The following CEP95 variants were observed in gnomAD, a reference collection of about 807,000 sequenced individuals.
CEP95 encodes the protein centrosomal protein of 95 kDa.
In CEP95, 98 loss-of-function variants were observed where a neutral mutation model predicts 111.2. That is an observed-to-expected ratio of 0.88 (90% CI 0.75 to 1.04). CEP95 has a LOEUF of 1.04. CEP95 is among the 50% of genes least tolerant of loss of function. The probability of loss-of-function intolerance (pLI) is 0.00; values close to 1 mark genes in which losing one functional copy is unlikely to be tolerated. For missense variants in CEP95, 1,027 were observed against 977.2 expected (o/e 1.05, Z -0.68); for synonymous variants, 323 against 327.1 (o/e 0.99, Z 0.14).
intron 6 of CEP95, among the ~76,000 whole-genome samples, chr17:64,519,910 A>G (rs943081052): frequency 1.3e-5 from 2 of 152,166 alleles, no homozygotes; most frequent in African/African-American, 2.4e-5. Flanking sequence ...TGAGCCTCCA[A>G]CCTTGCCCTC....
intron 19 of CEP95, 110 bp from the exon 20 acceptor site, chr17:64,537,493 T>C: frequency 5.6e-6 from 8 of 1,437,498 alleles, no homozygotes; most frequent in Non-Finnish European, 7.3e-6. Context: ...TGTTGCTAGA[T>C]TATTGAAAAT....
intron 16 of CEP95, 137 bp downstream of exon 16, chr17:64,533,328 A>G: frequency 1.5e-6 from 1 of 677,204 alleles, no homozygotes; most frequent in Middle Eastern, 4.0e-4. Context: ...TAGGTCTTTA[A>G]CCAAAATTGA....
chr17:64,527,262 C>T lies in CEP95; in HGVS notation c.1304C>T (p.Pro435Leu). The stretch of plus-strand genomic sequence containing the variant: ...GAGTATGGGCCAAAGAAGTCAAGGC[C>T]AGGTACTTACCCCAGAGAGACTGAG... ...IVEYGPKKSR[P>L]GLSMRRKPPY... Residue 435 changes from proline to leucine, a missense_variant and splice_region_variant, in exon 11 of 20, where the codon CCA becomes CTA. Transcript: ENST00000556440. The T allele has an allele frequency of 6.2e-7, 1 of 1,608,622 alleles. No individual in the cohort carries two copies. Among genetic ancestry groups the T allele is most frequent in the Non-Finnish European group, 8.5e-7 (1 of 1,177,380 alleles).
rs563102261 is a variant in CEP95, at chr17:64,532,204, G to A, written c.1672+182G>A. ...AGGGCTAAAACTCTTCAATAAGGAA[G>A]TACTTCAGGGAGGCCTATATATTGG... On this transcript the variant is annotated intron_variant, in intron 14 of 19. Transcript: ENST00000556440. The A allele has an allele frequency of 6.0e-5, 77 of 1,279,578 alleles. No individual in the cohort carries two copies. In the South Asian group the frequency reaches 1.5e-3, roughly 25 times the overall value. The allele number at this position is 1,279,578 out of a possible 1,614,324, so 79.3% of individuals were successfully genotyped here. A position where few individuals can be genotyped will look rare whatever the true frequency, so the allele number is the denominator to read the frequency against.
chr17:64,525,138 C>G (rs548085560), intron 8 of CEP95, among the ~76,000 whole-genome samples: 2 of 151,826 alleles, frequency 1.3e-5, no homozygotes, highest in Admixed American at 6.6e-5. Flanking sequence ...GTCAGGAGTT[C>G]GAGACCAGCC....
In CEP95 at chr17:64,510,273, C is replaced by T. The variant is rs1555674527; in HGVS notation, c.249C>T (p.His83=). 3 of 1,580,834 alleles carry T rather than the reference C, an allele frequency of 1.9e-6. No homozygotes were observed. The highest frequency in any genetic ancestry group is 1.7e-5 in the Admixed American group (1 of 59,320). The change falls in exon 3 of 20, where the codon CAC becomes CAT. Residue 83 remains histidine, a synonymous_variant. Transcript: ENST00000556440. ...ALDYLQVSLS[H]ITGENIVKGD... ...ACTACTTGCAGGTCAGCTTGTCTCA[C>T]ATAACAGGTTGGTATATGTATAACT...
Position 64,524,609 on chromosome 17 carries a change from C to A in CEP95, c.910-1161C>A, listed in dbSNP as rs138092026. Among the ~76,000 whole-genome samples the A allele has an allele frequency of 8.3e-3, 1,255 of 152,066 alleles. 11 individuals carry two copies. Among genetic ancestry groups the A allele is most frequent in the Middle Eastern group, 0.014 (4 of 294 alleles). On this transcript the variant is annotated intron_variant, in intron 8 of 19. Coordinates refer to ENST00000556440, the MANE Select transcript of CEP95 (RefSeq NM_138363.3). The stretch of plus-strand genomic sequence containing the variant: ...TATAGGCATGAATCACCATACCCAG[C>A]CTACTAAAGGGTATTTAATTTTACT...
At chr17:64,519,258 G>C (rs1227808273) in intron 5 of CEP95, 63 bp from the exon 6 acceptor site, 5 of 1,039,000 alleles carry the variant, frequency 4.8e-6, no homozygotes, top group African/African-American at 4.8e-5. Flanking sequence ...CAGCTCTCCA[G>C]GTCCTCAGGG....
intron 5 of CEP95, 33 bp from the exon 6 acceptor site, chr17:64,519,288 C>T (rs782739237): frequency 9.4e-6 from 14 of 1,484,946 alleles, no homozygotes; most frequent in Non-Finnish European, 1.3e-5. Flanking sequence ...TCTGGTCAGG[C>T]TGGGCCCTGA....
Position 64,537,680 on chromosome 17 carries a change from G to A in CEP95, c.2367G>A (p.Gln789=). The change falls in exon 20 of 20, where the codon CAG becomes CAA. Residue 789 remains glutamine (Q), a synonymous_variant. Transcript: ENST00000556440. ...AGCAGCTGCAGGACATGATAACACAGAATGATGATGATGTTTTCTTCCGGG... is the reference window on the plus strand; with the variant it reads ...AGCAGCTGCAGGACATGATAACACAAAATGATGATGATGTTTTCTTCCGGG... The part of the protein sequence containing the change: ...EIQQLQDMIT[Q]NDDDVFFREL... 1 of 1,613,518 alleles carries A rather than the reference G, an allele frequency of 6.2e-7. No homozygotes were observed. The highest frequency in any genetic ancestry group is 8.5e-7 in the Non-Finnish European group (1 of 1,179,670).
intron 3 of CEP95, among the ~76,000 whole-genome samples, chr17:64,511,938 G>A (rs146079964): frequency 7.2e-5 from 11 of 152,286 alleles, no homozygotes; most frequent in African/African-American, 2.4e-4. Flanking sequence ...ACACCTGGCC[G>A]TATTGTTTTA....
rs192396982 is a variant in CEP95 at position 64,510,861 on chromosome 17, C to T, written c.256+581C>T. Among the ~76,000 whole-genome samples the T allele has an allele frequency of 2.3e-4, 35 of 152,312 alleles. No homozygotes were observed. The Middle Eastern group carries it at 0.014, about 59-fold the overall frequency. ...CCACTGTGCCTGGCCTTCGGGGAACCTGCCCCGATAGTCACGTAGGTTCTT... is the reference window on the plus strand; with the variant it reads ...CCACTGTGCCTGGCCTTCGGGGAACTTGCCCCGATAGTCACGTAGGTTCTT... On this transcript the variant is annotated intron_variant, in intron 3 of 19. Coordinates refer to ENST00000556440, the MANE Select transcript of CEP95 (RefSeq NM_138363.3).
intron 4 of CEP95, 132 bp from the exon 5 acceptor site, chr17:64,516,585 ATTGCAC>A (rs1456008010): frequency 1.1e-5 from 5 of 472,194 alleles, no homozygotes; most frequent in Admixed American, 3.9e-5. Context: ...GTTCTTTCTG[ATTGCAC>A]TTTCACTAGA....
At chr17:64,507,512 C>G in intron 1 of CEP95, 1 of 1,148,562 alleles carries the variant, frequency 8.7e-7, no homozygotes, top group South Asian at 2.4e-5. Context: ...GAACAGCATT[C>G]TTAAGATTTA....
rs1555679040 is a variant in CEP95 at position 64,526,092 on chromosome 17, C to T, written c.1044C>T (p.Ala348=). 6.2e-7 allele frequency: 1 copy of T among 1,613,628 alleles called. No individual in the cohort carries two copies. Among genetic ancestry groups the T allele is most frequent in the South Asian group, 1.1e-5 (1 of 91,012 alleles). ...KGKRNENRAT[A]SSCNSPFPQR... ...ACAGAAATGAAAACAGAGCTACAGCCTCATCCTGCAATTCACCTTTCCCCC... is the reference window on the plus strand; with the variant it reads ...ACAGAAATGAAAACAGAGCTACAGCTTCATCCTGCAATTCACCTTTCCCCC... The change falls in exon 10 of 20, where the codon GCC becomes GCT. Residue 348 remains alanine (A), a synonymous_variant. Transcript: ENST00000556440.
rs547407773 is a variant in CEP95 at position 64,523,153 on chromosome 17, G to A, written c.909+258G>A. On this transcript the variant is annotated intron_variant, in intron 8 of 19. Transcript: ENST00000556440. ...TGTTCTAGGAAGATAGGAGAAAAAC[G>A]AATGCATATAAAGGGAAATAATAAG... 2.4e-4 allele frequency among the ~76,000 whole-genome samples: 36 copies of A among 152,260 alleles called. No individual in the cohort carries two copies. The South Asian group carries it at 7.3e-3, about 31-fold the overall frequency.
rs375616822 is a variant in CEP95 at position 64,510,162 on chromosome 17, T to TC, written c.149-3dup. The TC allele has an allele frequency of 0.023, 33,905 of 1,446,836 alleles. 399 individuals are homozygous for TC. The highest frequency in any genetic ancestry group is 0.029 in the Non-Finnish European group (29,857 of 1,039,182). The allele number at this position is 1,446,836 out of a possible 1,614,324, so 89.6% of individuals were successfully genotyped here. ...ATGGATACAAAATTATGTGATTTTTTCCCCCCCCAGACCTCATAGTTATTC... is the reference window on the plus strand; with the variant it reads ...ATGGATACAAAATTATGTGATTTTTTCCCCCCCCCAGACCTCATAGTTATTC... On this transcript the variant is annotated splice_polypyrimidine_tract_variant and intron_variant, in intron 2 of 19. Coordinates refer to ENST00000556440, the MANE Select transcript of CEP95 (RefSeq NM_138363.3).
chr17:64,526,349 C>T (rs1967820045), intron 10 of CEP95, 149 bp downstream of exon 10: 2 of 753,310 alleles, frequency 2.7e-6, no homozygotes, highest in Admixed American at 6.8e-5. Context: ...GCAGGTAGAA[C>T]AGGAAGTGAT....
In CEP95 at chr17:64,507,068, C is replaced by T. The variant is rs2038579960; in HGVS notation, c.-30C>T. ...GACACCGTCGCCTTCCCGGCCGCGTCGGAGTCCGGCGGCGACCTGCCTCTG... is the reference window on the plus strand; with the variant it reads ...GACACCGTCGCCTTCCCGGCCGCGTTGGAGTCCGGCGGCGACCTGCCTCTG... On this transcript the variant is annotated 5_prime_UTR_variant, in exon 1 of 20. Transcript: ENST00000556440. 2 of 1,550,522 alleles carry T rather than the reference C, an allele frequency of 1.3e-6. No homozygotes were observed. Among genetic ancestry groups the T allele is most frequent in the African/African-American group, 1.4e-5 (1 of 73,058 alleles).
Sources: allele counts gnomAD v4.1 joint callset (sites outside exome capture counted in the v4.1 genomes callset), GRCh38; gene constraint gnomAD v4.1.1; transcripts MANE v1.5; gene names NCBI Gene and HGNC (gene_info 2026-07-23, HGNC 2026-07-21).